SLC33A2: variants seen among roughly 807,000 people sequenced by gnomAD.
SLC33A2 encodes the protein solute carrier family 33 member 2.
At chr8:144,510,095 C>T in the SLC33A2 span, 1 of 1,463,748 alleles carries the variant, frequency 6.8e-7, no homozygotes, top group Non-Finnish European at 9.2e-7. Context: ...GCTTGCAACC[C>T]ATTACAGGGC....
At chr8:144,510,241 A>G in the SLC33A2 span, 1 of 1,479,310 alleles carries the variant, frequency 6.8e-7, no homozygotes, top group Non-Finnish European at 9.1e-7. Context: ...CTTCTCCCCC[A>G]GTATCTGCAG....
At chr8:144,510,630 G>C in the SLC33A2 span, 1 of 1,567,462 alleles carries the variant, frequency 6.4e-7, no homozygotes, top group Non-Finnish European at 8.7e-7. Flanking sequence ...TCGGTGCTGC[G>C]CTTCCGCCTC....
At chr8:144,509,587 C>T in the SLC33A2 span, 3 of 1,532,626 alleles carry the variant, frequency 2.0e-6, no homozygotes, top group East Asian at 2.5e-5. Flanking sequence ...GGGCTGCTTG[C>T]CGGGCTGCCC....
the SLC33A2 span, chr8:144,510,147 C>A: frequency 7.7e-7 from 1 of 1,303,602 alleles, no homozygotes; most frequent in Admixed American, 2.3e-5. Context: ...TTGGCCCTGA[C>A]ATCCGGGGCT....
chr8:144,509,183 C>T, the SLC33A2 span: 488 of 761,206 alleles, frequency 6.4e-4, 2 homozygotes, highest in African/African-American at 7.5e-3. Context: ...AGCACGTGTC[C>T]AGACCCTAGC....
the SLC33A2 span, chr8:144,510,545 ACCTGAGCTGC>A: frequency 6.2e-7 from 1 of 1,611,034 alleles, no homozygotes; most frequent in Non-Finnish European, 8.5e-7. Context: ...ACCCACTTGT[ACCTGAGCTGC>A]CCCCAATCCA....
the SLC33A2 span, chr8:144,511,179 G>C: frequency 6.2e-7 from 1 of 1,605,630 alleles, no homozygotes; most frequent in South Asian, 1.1e-5. Context: ...AGTGGCTGGA[G>C]TGGTCAATAA....
At chr8:144,509,898 C>T in the SLC33A2 span, 1 of 1,550,542 alleles carries the variant, frequency 6.4e-7, no homozygotes, top group Non-Finnish European at 8.7e-7. Flanking sequence ...AGCCCTGCGG[C>T]GGCTCCCACA....
At chr8:144,510,272 C>T in the SLC33A2 span, 2 of 1,560,374 alleles carry the variant, frequency 1.3e-6, no homozygotes, top group Non-Finnish European at 8.7e-7. Flanking sequence ...CTGAGGAGAG[C>T]AGGGCAGGAC....
the SLC33A2 span, chr8:144,509,089 G>GCCGGCCGCCGGTGTCCGGA: frequency 2.3e-6 from 1 of 432,068 alleles, no homozygotes; most frequent in Admixed American, 4.4e-5. Context: ...GCCGGGAGCC[G>GCCGGCCGCCGGTGTCCGGA]CCGGCCGCCG....
chr8:144,509,612 C>G, the SLC33A2 span: 2 of 1,554,044 alleles, frequency 1.3e-6, no homozygotes, highest in Middle Eastern at 1.8e-4. Context: ...CTGGAGCTGG[C>G]CAGGCCGGGC....
chr8:144,509,493 C>G, the SLC33A2 span: 3 of 1,534,418 alleles, frequency 2.0e-6, no homozygotes, highest in Non-Finnish European at 1.7e-6. Flanking sequence ...GCTGCTCAAG[C>G]TGGCTTGGGC....
the SLC33A2 span, chr8:144,509,831 C>T: frequency 7.8e-6 from 12 of 1,538,238 alleles, no homozygotes; most frequent in South Asian, 9.4e-5. Flanking sequence ...GGCCGCAACT[C>T]TTTCTGCTCC....
At chr8:144,509,418 C>T in the SLC33A2 span, 2 of 1,531,306 alleles carry the variant, frequency 1.3e-6, no homozygotes, top group Non-Finnish European at 1.7e-6. Context: ...CCTGCCAGTG[C>T]TGCTGCGTGC....
At chr8:144,510,725 G>C in the SLC33A2 span, 2 of 1,594,200 alleles carry the variant, frequency 1.3e-6, no homozygotes, top group Non-Finnish European at 1.7e-6. Context: ...CTTGAGAGGT[G>C]AGGGGCTGGC....
At chr8:144,510,799 G>A in the SLC33A2 span, 2 of 1,611,498 alleles carry the variant, frequency 1.2e-6, no homozygotes, top group Non-Finnish European at 1.7e-6. Flanking sequence ...CCCAGGGTCA[G>A]CCTTGCTGAG....
chr8:144,510,634 C>T, the SLC33A2 span: 37 of 1,564,596 alleles, frequency 2.4e-5, no homozygotes, highest in Non-Finnish European at 2.9e-5. Context: ...TGCTGCGCTT[C>T]CGCCTCGGGG....
At chr8:144,509,310 G>C in the SLC33A2 span, 1 of 1,432,794 alleles carries the variant, frequency 7.0e-7, no homozygotes. Flanking sequence ...CGACCTCCCA[G>C]CCTCGCAGCC....
At chr8:144,510,057 C>T in the SLC33A2 span, 12 of 1,564,384 alleles carry the variant, frequency 7.7e-6, no homozygotes, top group Middle Eastern at 2.0e-4. Flanking sequence ...TTGGGGCTTC[C>T]GGGACAGCTC....
Sources: gnomAD v4.1 joint callset for allele counts on GRCh38, gnomAD v4.1.1 for gene constraint, MANE v1.5 for transcripts, NCBI Gene and HGNC (gene_info 2026-07-23, HGNC 2026-07-21) for gene names.